The following LDB2 variants were observed in gnomAD, a reference collection of about 807,000 sequenced individuals.
The protein encoded by LDB2 is LIM domain binding 2, also known as LIM domain-binding protein 2.
A neutral mutation model predicts 44.3 loss-of-function variants in LDB2; 12 were observed. The ratio of observed to expected loss-of-function variants is 0.27; its 90% CI spans 0.17 to 0.44. LDB2 has a LOEUF of 0.44. Among genes scored for constraint, LDB2 ranks in the 20% least tolerant of loss-of-function variants. The probability of loss-of-function intolerance (pLI) is 1.00; values close to 1 mark genes in which losing one functional copy is unlikely to be tolerated. For missense variants in LDB2, 344 were observed against 473.5 expected, an observed-to-expected ratio of 0.73 and a Z score of 2.54; for synonymous variants, 164 against 174.8, an observed-to-expected ratio of 0.94 and a Z score of 0.49.
intron 2 of LDB2, among the ~76,000 whole-genome samples, chr4:16,669,673 C>T (rs930047125): frequency 6.6e-6 from 1 of 152,168 alleles, no homozygotes; most frequent in African/African-American, 2.4e-5. Context: ...AGTAATTTGT[C>T]TAAGATCACA....
Position 16,586,021 on chromosome 4 carries a change from AC to A in LDB2, c.532-17del. 1 of 1,601,506 alleles carries A rather than the reference AC, an allele frequency of 6.2e-7. No homozygotes were observed. The highest frequency in any genetic ancestry group is 8.6e-7 in the Non-Finnish European group (1 of 1,168,762). ...GATCTTGTGCCTAAATGGAAAAAAA[AC>A]CCCACATGTATTTTATCACTACAGG... is the stretch of plus-strand genomic sequence containing the variant. On this transcript the variant is annotated splice_polypyrimidine_tract_variant and intron_variant, in intron 4 of 7. Transcript: ENST00000304523.
chr4:16,659,671 G>GTGTGTGTATATATATA (rs1315288524), intron 2 of LDB2, among the ~76,000 whole-genome samples: 26 of 133,556 alleles, frequency 1.9e-4, no homozygotes, highest in African/African-American at 7.2e-4. Context: ...ATCTATGTGT[G>GTGTGTGTATATATATA]TATATATATA....
intron 2 of LDB2, among the ~76,000 whole-genome samples, chr4:16,708,371 C>G (rs1433223059): frequency 6.6e-6 from 1 of 151,980 alleles, no homozygotes; most frequent in Non-Finnish European, 1.5e-5. Flanking sequence ...CACAGAGAAC[C>G]CCCAATGGTC....
At chr4:16,510,565 G>A (rs111710911) in intron 6 of LDB2, among the ~76,000 whole-genome samples, 423 of 152,210 alleles carry the variant, frequency 2.8e-3, no homozygotes, top group Middle Eastern at 0.014. Flanking sequence ...CCTAAAATGC[G>A]TATTCTGGAC....
At chr4:16,782,326 GA>G (rs1411069495) in intron 1 of LDB2, among the ~76,000 whole-genome samples, 2 of 151,748 alleles carry the variant, frequency 1.3e-5, no homozygotes, top group Non-Finnish European at 2.9e-5. Context: ...AACAAATGTT[GA>G]AAGAAGGAAT....
At chr4:16,788,072 C>G (rs287963) in intron 1 of LDB2, among the ~76,000 whole-genome samples, 3 of 152,258 alleles carry the variant, frequency 2.0e-5, no homozygotes, top group East Asian at 3.9e-4. Flanking sequence ...ATCCTCCCCC[C>G]CCTCTCTGCC....
At position 16,850,947 on chromosome 4, in the gene LDB2, A is replaced by AGTGAGTGTGT. The variant is rs1554048717; in HGVS notation, c.132+47406_132+47407insACACACTCAC. 2.1e-5 allele frequency among the ~76,000 whole-genome samples: 3 copies of AGTGAGTGTGT among 143,072 alleles called. No individual in the cohort carries two copies. The East Asian group carries it at 6.3e-4, about 30-fold the overall frequency. 93.9% of individuals were successfully genotyped at this position (143,072 alleles called of 152,430 possible). A position where few individuals can be genotyped will look rare whatever the true frequency, so the allele number is the denominator to read the frequency against. On this transcript the variant is annotated intron_variant, in intron 1 of 7. Coordinates refer to ENST00000304523, the MANE Select transcript of LDB2 (RefSeq NM_001290.5). ...GATATAGGTAATAGTTAAAACCATA[A>AGTGAGTGTGT]GTGTGTGTGTGTGTGTGTGTGTGTG... is the stretch of plus-strand genomic sequence containing the variant.
intron 2 of LDB2, among the ~76,000 whole-genome samples, chr4:16,598,369 T>A (rs938661138): frequency 1.6e-4 from 24 of 152,118 alleles, no homozygotes; most frequent in African/African-American, 5.8e-4. Context: ...GAAGGAGAAC[T>A]GAGTCTTCCA....
chr4:16,599,330 C>T (rs1721925791), intron 2 of LDB2, among the ~76,000 whole-genome samples: 1 of 152,128 alleles, frequency 6.6e-6, no homozygotes, highest in African/African-American at 2.4e-5. Context: ...GCCCCTTCCT[C>T]CATCTTCAAA....
At chr4:16,867,282 C>T (rs889301603) in intron 1 of LDB2, among the ~76,000 whole-genome samples, 4 of 152,202 alleles carry the variant, frequency 2.6e-5, no homozygotes, top group African/African-American at 4.8e-5. Flanking sequence ...ATACTCATCA[C>T]AGATTAATAC....
At chr4:16,875,084 C>T (rs1385050690) in intron 1 of LDB2, among the ~76,000 whole-genome samples, 8 of 152,118 alleles carry the variant, frequency 5.3e-5, no homozygotes, top group Admixed American at 3.9e-4. Context: ...ACCAGAAAAT[C>T]AGGGAATCAA....
intron 5 of LDB2, among the ~76,000 whole-genome samples, chr4:16,561,225 A>G (rs1364320591): frequency 6.6e-6 from 1 of 152,150 alleles, no homozygotes; most frequent in Non-Finnish European, 1.5e-5. Flanking sequence ...CAGGGCAATT[A>G]GGCAGGAGAA....
At chr4:16,682,083 C>T (rs951978616) in intron 2 of LDB2, among the ~76,000 whole-genome samples, 8 of 152,112 alleles carry the variant, frequency 5.3e-5, no homozygotes, top group African/African-American at 1.9e-4. Flanking sequence ...GAACATTGCT[C>T]ATCATCGTGT....
intron 5 of LDB2, among the ~76,000 whole-genome samples, chr4:16,534,534 G>A (rs1731135056): frequency 6.6e-6 from 1 of 152,136 alleles, no homozygotes; most frequent in African/African-American, 2.4e-5. Context: ...AAAATGTATT[G>A]GAACACATAG....
intron 7 of LDB2, chr4:16,506,813 C>T (rs1401443129): frequency 6.6e-6 from 1 of 152,176 alleles, no homozygotes; most frequent in Non-Finnish European, 1.5e-5. Context: ...AGTAGGAGCT[C>T]AGAAAACATC....
rs966548393 is a variant in LDB2, at chr4:16,829,579, A to G, written c.132+68775T>C. On this transcript the variant is annotated intron_variant, in intron 1 of 7. Transcript: ENST00000304523. ...CCTGGTTAAATCCTGTGTGTGTTATATAAAAGTAATTGAATCTCCCTGACC... is the reference window on the plus strand; with the variant it reads ...CCTGGTTAAATCCTGTGTGTGTTATGTAAAAGTAATTGAATCTCCCTGACC... Among the ~76,000 whole-genome samples the G allele has an allele frequency of 2.6e-5, 4 of 152,216 alleles. No individual in the cohort carries two copies. The East Asian group carries it at 7.7e-4, about 29-fold the overall frequency.
intron 5 of LDB2, among the ~76,000 whole-genome samples, chr4:16,554,050 ATTT>A (rs369728278): frequency 7.1e-6 from 1 of 140,696 alleles, no homozygotes. Flanking sequence ...AATGGCCTGA[ATTT>A]TTTTTTTTTT....
intron 5 of LDB2, 96 bp downstream of exon 5, chr4:16,585,826 C>T: frequency 1.2e-6 from 1 of 841,102 alleles, no homozygotes; most frequent in Non-Finnish European, 2.0e-6. Context: ...GCTATATCAC[C>T]AGTACCTCAT....
chr4:16,518,898 C>T (rs1472839786), intron 5 of LDB2, among the ~76,000 whole-genome samples: 2 of 152,144 alleles, frequency 1.3e-5, no homozygotes, highest in East Asian at 1.9e-4. Context: ...TTACTTGTTG[C>T]GAACCAGTCG....
Sources: allele counts gnomAD v4.1 joint callset (sites outside exome capture counted in the v4.1 genomes callset), GRCh38; gene constraint gnomAD v4.1.1; transcripts MANE v1.5; gene names NCBI Gene and HGNC (gene_info 2026-07-23, HGNC 2026-07-21).